CFAP77: variants seen among roughly 807,000 people sequenced by gnomAD.
The protein encoded by CFAP77 is cilia- and flagella-associated protein 77.
CFAP77 carries 25 observed loss-of-function variants against 31.1 expected under a neutral mutation model. The ratio of observed to expected loss-of-function variants is 0.80; its 90% CI spans 0.59 to 1.12. The LOEUF is 1.12. Ranked by LOEUF, CFAP77 falls within the 50% of genes most tolerant of loss-of-function variation. The pLI, the probability that CFAP77 is intolerant of heterozygous loss-of-function variation, is 0.00. For missense variants in CFAP77, 377 were observed against 397.3 expected, an observed-to-expected ratio of 0.95 and a Z score of 0.44; for synonymous variants, 151 against 159.9, an observed-to-expected ratio of 0.94 and a Z score of 0.42.
At chr9:132,443,967 C>T (rs1255879586) in intron 1 of CFAP77, among the ~76,000 whole-genome samples, 1 of 152,242 alleles carries the variant, frequency 6.6e-6, no homozygotes, top group Admixed American at 6.5e-5. Flanking sequence ...CACACGCCAG[C>T]CATTCCTTAA....
In CFAP77 at chr9:132,501,746, G is replaced by A. The variant is rs1271877168; in HGVS notation, c.524+2146G>A. 6.6e-6 allele frequency among the ~76,000 whole-genome samples: 1 copy of A among 152,212 alleles called. No homozygotes were observed. The highest frequency in any genetic ancestry group is 2.1e-4 in the South Asian group (1 of 4,830). On this transcript the variant is annotated intron_variant, in intron 3 of 5. Transcript: ENST00000393216. The surrounding 1 kb of genome is among the most constrained non-coding windows in gnomAD (Gnocchi z 4.6). ...CAGCCACTGTGGTCAGGGCTGAGAC[G>A]CCAGGCCTGGGTCATGTGTCTGCCT...
intron 3 of CFAP77, among the ~76,000 whole-genome samples, chr9:132,521,778 T>TTTTTTTTTTTTTTTTTTTTTTTTTG (rs533275755): frequency 3.8e-5 from 4 of 106,152 alleles, no homozygotes; most frequent in Non-Finnish European, 5.2e-5. Context: ...TTTTTTTTTT[T>TTTTTTTTTTTTTTTTTTTTTTTTTG]TTTTTTGAGA....
intron 5 of CFAP77, among the ~76,000 whole-genome samples, chr9:132,557,607 T>C (rs1045285926): frequency 6.6e-6 from 1 of 152,206 alleles, no homozygotes; most frequent in African/African-American, 2.4e-5. Context: ...AACCGATTTT[T>C]TCCAAGTGGC....
At chr9:132,502,019 T>C (rs1384145207) in intron 3 of CFAP77, among the ~76,000 whole-genome samples, 1 of 152,228 alleles carries the variant, frequency 6.6e-6, no homozygotes, top group Non-Finnish European at 1.5e-5. Flanking sequence ...TATTTGTGCA[T>C]TGCACTGAAC....
At chr9:132,464,418 C>A (rs1195301944) in intron 1 of CFAP77, among the ~76,000 whole-genome samples, 1 of 152,004 alleles carries the variant, frequency 6.6e-6, no homozygotes, top group East Asian at 1.9e-4. Context: ...TTCCTGCAGG[C>A]CACACAACTG....
intron 3 of CFAP77, among the ~76,000 whole-genome samples, chr9:132,514,465 G>C (rs950128147): frequency 9.2e-5 from 14 of 152,182 alleles, no homozygotes; most frequent in African/African-American, 3.4e-4. Context: ...CCTCCGGGCA[G>C]AGGTGCCCAC....
intron 1 of CFAP77, among the ~76,000 whole-genome samples, chr9:132,414,946 G>A (rs553986025): frequency 6.6e-6 from 1 of 152,276 alleles, no homozygotes; most frequent in South Asian, 2.1e-4. Context: ...GAACATAAAG[G>A]CACGGAGAGG....
chr9:132,523,096 T>C (rs866301603), intron 3 of CFAP77, among the ~76,000 whole-genome samples: 2 of 134,126 alleles, frequency 1.5e-5, no homozygotes, highest in Non-Finnish European at 1.6e-5. Context: ...TTCTTTTTTT[T>C]TTTTTTTTTG....
At chr9:132,464,868 G>C (rs1347678310) in intron 1 of CFAP77, among the ~76,000 whole-genome samples, 2 of 152,026 alleles carry the variant, frequency 1.3e-5, no homozygotes, top group African/African-American at 4.8e-5. Context: ...GAGGCGGGTG[G>C]ATCACCTGAG....
In CFAP77 at chr9:132,481,963, G is replaced by C. The variant is rs940154633; in HGVS notation, c.196-16732G>C. On this transcript the variant is annotated intron_variant, in intron 1 of 5. Coordinates refer to ENST00000393216, the MANE Select transcript of CFAP77 (RefSeq NM_001282957.2). The surrounding 1 kb of genome is among the most constrained non-coding windows in gnomAD (Gnocchi z 5.0). Reference sequence around the variant, plus strand: ...GAAGGAACAAGGGTTTATGGTTGGGGGGGGGGGGGGCGGCGGAACACTGAA... The same window carrying C: ...GAAGGAACAAGGGTTTATGGTTGGGCGGGGGGGGGGCGGCGGAACACTGAA... Among the ~76,000 whole-genome samples the C allele has an allele frequency of 1.5e-4, 20 of 132,348 alleles. 1 individual carries two copies. In the East Asian group the frequency reaches 1.7e-3, roughly 12 times the overall value. 86.8% of individuals were successfully genotyped at this position (132,348 alleles called of 152,430 possible).
intron 5 of CFAP77, among the ~76,000 whole-genome samples, chr9:132,563,881 GC>G (rs1829854950): frequency 6.6e-6 from 1 of 152,064 alleles, no homozygotes; most frequent in African/African-American, 2.4e-5. Flanking sequence ...CTGTTTTTTG[GC>G]CACTCAGATT....
At chr9:132,410,537 C>G (rs897418607) in intron 1 of CFAP77, 71 bp downstream of exon 1, 1 of 1,329,574 alleles carries the variant, frequency 7.5e-7, no homozygotes, top group Admixed American at 3.4e-5. Context: ...GGGGTCCCCA[C>G]CCGCAGCGCC....
chr9:132,547,960 C>G (rs1353150639), intron 5 of CFAP77, among the ~76,000 whole-genome samples: 1 of 152,142 alleles, frequency 6.6e-6, no homozygotes, highest in Admixed American at 6.5e-5. Flanking sequence ...CATGCACAGC[C>G]ACACAAAGCA....
intron 3 of CFAP77, among the ~76,000 whole-genome samples, chr9:132,519,522 A>ATG (rs1852218039): frequency 2.4e-4 from 2 of 8,460 alleles, no homozygotes; most frequent in African/African-American, 1.1e-3. Flanking sequence ...GTGGGTGGGT[A>ATG]GATGGATGGA....
chr9:132,444,220 G>A (rs1276812236), intron 1 of CFAP77, among the ~76,000 whole-genome samples: 1 of 152,246 alleles, frequency 6.6e-6, no homozygotes, highest in Non-Finnish European at 1.5e-5. Context: ...CAGCAGCAAT[G>A]GAAGAAGGTA....
At chr9:132,472,246 T>C (rs2131736677) in intron 1 of CFAP77, among the ~76,000 whole-genome samples, 1 of 152,324 alleles carries the variant, frequency 6.6e-6, no homozygotes, top group Middle Eastern at 3.4e-3. Context: ...ATATCATCTG[T>C]CAAATATGTG....
At chr9:132,443,480 C>T (rs375886725) in intron 1 of CFAP77, among the ~76,000 whole-genome samples, 1 of 151,924 alleles carries the variant, frequency 6.6e-6, no homozygotes, top group Admixed American at 6.6e-5. Flanking sequence ...CTCGAACTCC[C>T]GAACTCAGGT....
intron 1 of CFAP77, among the ~76,000 whole-genome samples, chr9:132,429,023 G>A (rs1237716722): frequency 6.6e-6 from 1 of 152,116 alleles, no homozygotes; most frequent in Non-Finnish European, 1.5e-5. Flanking sequence ...GGGGACCTCT[G>A]TCTTGTTTTC....
At chr9:132,569,020 G>A (rs1234760517) in intron 5 of CFAP77, among the ~76,000 whole-genome samples, 1 of 152,170 alleles carries the variant, frequency 6.6e-6, no homozygotes, top group East Asian at 1.9e-4. Flanking sequence ...ATTTTTGATT[G>A]TAGTGATGGT....
Sources: allele counts gnomAD v4.1 joint callset (sites outside exome capture counted in the v4.1 genomes callset), GRCh38; gene constraint gnomAD v4.1.1; non-coding constraint Gnocchi (gnomAD v3.1); transcripts MANE v1.5; gene names NCBI Gene and HGNC (gene_info 2026-07-23, HGNC 2026-07-21).